NOS1AP: variants seen among roughly 807,000 people sequenced by gnomAD.
The protein encoded by NOS1AP is nitric oxide synthase 1 adaptor protein, also known as carboxyl-terminal PDZ ligand of neuronal nitric oxide synthase protein.
NOS1AP carries 21 observed loss-of-function variants against 56.2 expected under a neutral mutation model. The observed-to-expected ratio is 0.37, with a 90% CI of 0.26 to 0.54. NOS1AP has a LOEUF of 0.54. Among genes scored for constraint, NOS1AP ranks in the 20% least tolerant of loss-of-function variants. The pLI, the probability that NOS1AP is intolerant of heterozygous loss-of-function variation, is 0.84. For synonymous variants in NOS1AP, 270 were observed against 274.6 expected, an observed-to-expected ratio of 0.98 and a Z score of 0.17; for missense variants, 522 against 657.8, an observed-to-expected ratio of 0.79 and a Z score of 2.26.
intron 2 of NOS1AP, among the ~76,000 whole-genome samples, chr1:162,169,845 A>C (rs1166103259): frequency 6.6e-6 from 1 of 152,192 alleles, no homozygotes; most frequent in Non-Finnish European, 1.5e-5. Flanking sequence ...ATTGCCATGC[A>C]GAAACCCAGT....
intron 6 of NOS1AP, among the ~76,000 whole-genome samples, chr1:162,344,314 G>T (rs1657206335): frequency 6.6e-6 from 1 of 152,226 alleles, no homozygotes; most frequent in South Asian, 2.1e-4. Context: ...TACCTAGTTT[G>T]TTTTATTAAA....
chr1:162,168,414 G>A (rs917070274), intron 2 of NOS1AP, among the ~76,000 whole-genome samples: 2 of 152,164 alleles, frequency 1.3e-5, no homozygotes, highest in African/African-American at 2.4e-5. Context: ...GCTCAGATAC[G>A]AACTTCCAAA....
In NOS1AP at chr1:162,367,648, A is replaced by C; in HGVS notation, c.*181A>C. On this transcript the variant is annotated 3_prime_UTR_variant, in exon 10 of 10. Coordinates refer to ENST00000361897, the MANE Select transcript of NOS1AP (RefSeq NM_014697.3). The surrounding 1 kb of genome is among the most constrained non-coding windows in gnomAD (Gnocchi z 6.5). The stretch of plus-strand genomic sequence containing the variant: ...GCTTTGGAGGGTAAAGTGGGGAAGA[A>C]ATCGGATTCCCAGAGGTGAATCAGC... 1.4e-6 allele frequency: 1 copy of C among 702,000 alleles called. No homozygotes were observed. The highest frequency in any genetic ancestry group is 2.3e-6 in the Non-Finnish European group (1 of 432,436). The allele number at this position is 702,000 out of a possible 1,614,324, so 43.5% of individuals were successfully genotyped here.
intron 2 of NOS1AP, among the ~76,000 whole-genome samples, chr1:162,261,811 A>G (rs1260642766): frequency 6.6e-6 from 1 of 152,230 alleles, no homozygotes; most frequent in Non-Finnish European, 1.5e-5. Flanking sequence ...TTTGCGATGG[A>G]CATAGTTCAT....
rs530705031 is a variant in NOS1AP, at chr1:162,300,618, C to T, written c.271-15C>T. ...GTCCTGTAACTGAGGACAAGCCTAA[C>T]TTATTCATTTACAGCTTCTTTTATT... is the stretch of plus-strand genomic sequence containing the variant. On this transcript the variant is annotated splice_polypyrimidine_tract_variant and intron_variant, in intron 3 of 9. Transcript: ENST00000361897. 1.4e-5 allele frequency: 22 copies of T among 1,610,722 alleles called. No homozygotes were observed. Among genetic ancestry groups the T allele is most frequent in the East Asian group, 1.1e-4 (5 of 44,870 alleles).
chr1:162,132,256 G>T (rs1028174592), intron 1 of NOS1AP, among the ~76,000 whole-genome samples: 2 of 152,172 alleles, frequency 1.3e-5, no homozygotes, highest in Admixed American at 6.5e-5. Flanking sequence ...GGCATCCTTG[G>T]ATTCTTTGGG....
At chr1:162,353,705 C>T (rs965909961) in intron 6 of NOS1AP, among the ~76,000 whole-genome samples, 1 of 152,208 alleles carries the variant, frequency 6.6e-6, no homozygotes, top group Non-Finnish European at 1.5e-5. Flanking sequence ...ACTGCAGTAG[C>T]CCAGCTTCTC....
At chr1:162,363,751 C>T (rs1657977102) in intron 8 of NOS1AP, 1 of 974,970 alleles carries the variant, frequency 1.0e-6, no homozygotes, top group South Asian at 4.7e-5. Context: ...GAAGACCAAA[C>T]ATGTATTTCA....
chr1:162,229,835 GAGA>G (rs1484857475), intron 2 of NOS1AP, among the ~76,000 whole-genome samples: 2 of 152,126 alleles, frequency 1.3e-5, no homozygotes, highest in African/African-American at 2.4e-5. Context: ...GCTAGAACCT[GAGA>G]AGAACAGTGG....
At chr1:162,203,664 G>A (rs1356038715) in intron 2 of NOS1AP, among the ~76,000 whole-genome samples, 2 of 152,240 alleles carry the variant, frequency 1.3e-5, no homozygotes, top group Admixed American at 6.5e-5. Context: ...ACTTAAAGGG[G>A]CTAATCCCAG....
At chr1:162,363,363 G>A (rs1657964940) in intron 8 of NOS1AP, 1 of 152,634 alleles carries the variant, frequency 6.6e-6, no homozygotes, top group East Asian at 1.9e-4. Context: ...CAGGGTCTGT[G>A]GGAAGGGTGG....
chr1:162,168,199 G>A (rs952577240), intron 2 of NOS1AP, among the ~76,000 whole-genome samples: 5 of 152,184 alleles, frequency 3.3e-5, no homozygotes, highest in East Asian at 3.8e-4. Context: ...TCCTGACCAC[G>A]ACGATCCCTC....
Position 162,261,216 on chromosome 1 carries a change from A to G in NOS1AP, c.178-26128A>G, listed in dbSNP as rs940256403. Among the ~76,000 whole-genome samples, 3 of 139,198 alleles carry G rather than the reference A, an allele frequency of 2.2e-5. 1 individual carries two copies. The highest frequency in any genetic ancestry group is 4.6e-5 in the Non-Finnish European group (3 of 65,604). The allele number at this position is 139,198 out of a possible 152,430, so 91.3% of individuals were successfully genotyped here. On this transcript the variant is annotated intron_variant, in intron 2 of 9. Transcript: ENST00000361897. ...CTCCATATAAGTAAAATTTCCAGGG[A>G]ACTCAAGCTTTCCCCTCTAAGCATC...
intron 2 of NOS1AP, among the ~76,000 whole-genome samples, chr1:162,207,311 AC>A (rs1358241054): frequency 6.6e-6 from 1 of 152,142 alleles, no homozygotes; most frequent in Non-Finnish European, 1.5e-5. Context: ...ATCACCGTCT[AC>A]CCACGCGACA....
chr1:162,300,787 G>A, intron 4 of NOS1AP, 81 bp downstream of exon 4: 2 of 1,203,256 alleles, frequency 1.7e-6, no homozygotes, highest in Non-Finnish European at 2.5e-6. Flanking sequence ...CAGGCTGGTG[G>A]ATCCAGGCAA....
At chr1:162,159,908 T>A (rs1650129834) in intron 2 of NOS1AP, among the ~76,000 whole-genome samples, 1 of 152,154 alleles carries the variant, frequency 6.6e-6, no homozygotes. Context: ...AGCTCCAGCA[T>A]GTCACTGGGT....
At chr1:162,282,571 A>G (rs1241978535) in intron 2 of NOS1AP, among the ~76,000 whole-genome samples, 1 of 152,210 alleles carries the variant, frequency 6.6e-6, no homozygotes. Context: ...ACATCACATA[A>G]TACATGCAAA....
intron 1 of NOS1AP, among the ~76,000 whole-genome samples, chr1:162,131,127 G>A (rs1331163454): frequency 6.6e-6 from 1 of 152,048 alleles, no homozygotes; most frequent in Non-Finnish European, 1.5e-5. Context: ...TAGAACTACT[G>A]CGTATTTTAT....
chr1:162,081,750 C>A (rs9700397), intron 1 of NOS1AP, among the ~76,000 whole-genome samples: 58,827 of 102,458 alleles, frequency 0.57, 17,859 homozygotes, highest in Non-Finnish European at 0.65. Context: ...ATATCTATAT[C>A]TATAGATATA....
Sources: gnomAD v4.1 joint callset for allele counts (sites outside exome capture counted in the v4.1 genomes callset) on GRCh38, gnomAD v4.1.1 for gene constraint, Gnocchi (gnomAD v3.1) non-coding constraint, MANE v1.5 for transcripts, NCBI Gene and HGNC (gene_info 2026-07-23, HGNC 2026-07-21) for gene names.